The following NAALADL2 variants were observed in gnomAD, a reference collection of about 807,000 sequenced individuals.
NAALADL2 encodes the protein N-acetylated alpha-linked acidic dipeptidase like 2.
NAALADL2 carries 76 observed loss-of-function variants against 87.2 expected under a neutral mutation model. That is an observed-to-expected ratio of 0.87 (90% confidence interval 0.72 to 1.05). NAALADL2 has a LOEUF of 1.05. Among genes scored for constraint, NAALADL2 ranks in the 50% least tolerant of loss-of-function variants. The pLI, the probability that NAALADL2 is intolerant of heterozygous loss-of-function variation, is 0.00. For synonymous variants in NAALADL2, 354 were observed against 331.0 expected, an observed-to-expected ratio of 1.07 and a Z score of -0.75; for missense variants, 1,089 against 945.8, an observed-to-expected ratio of 1.15 and a Z score of -1.99.
At chr3:175,131,619 G>A (rs1197966117) in intron 2 of NAALADL2, among the ~76,000 whole-genome samples, 2 of 152,090 alleles carry the variant, frequency 1.3e-5, no homozygotes, top group Non-Finnish European at 2.9e-5. Context: ...CCACAAAACC[G>A]CCATTGTCAT....
intron 2 of NAALADL2, among the ~76,000 whole-genome samples, chr3:175,225,851 A>G (rs935414047): frequency 6.6e-6 from 1 of 152,132 alleles, no homozygotes; most frequent in Admixed American, 6.6e-5. Flanking sequence ...CCAAATATGC[A>G]CTCACTGTTA....
At chr3:175,728,071 AT>A (rs903668009) in intron 11 of NAALADL2, among the ~76,000 whole-genome samples, 7 of 152,110 alleles carry the variant, frequency 4.6e-5, no homozygotes, top group African/African-American at 1.7e-4. Context: ...CTTTCAAGTA[AT>A]TTTTTTATAT....
chr3:175,749,648 C>T (rs1368636852), intron 12 of NAALADL2, among the ~76,000 whole-genome samples: 2 of 152,204 alleles, frequency 1.3e-5, no homozygotes, highest in Non-Finnish European at 2.9e-5. Flanking sequence ...CTCTGAAAGG[C>T]TCCACCTTCC....
chr3:174,653,570 A>G (rs1724600276), intron 2 of NAALADL2, among the ~76,000 whole-genome samples: 1 of 152,176 alleles, frequency 6.6e-6, no homozygotes, highest in Non-Finnish European at 1.5e-5. Flanking sequence ...CTCATGGTCT[A>G]TGATTTTAGC....
At chr3:175,741,141 T>C (rs955067019) in intron 12 of NAALADL2, among the ~76,000 whole-genome samples, 4 of 152,134 alleles carry the variant, frequency 2.6e-5, no homozygotes, top group Admixed American at 2.0e-4. Context: ...CAAAATACCA[T>C]AGACTGGATG....
chr3:175,535,443 G>A (rs561268117), intron 9 of NAALADL2, among the ~76,000 whole-genome samples: 5 of 152,142 alleles, frequency 3.3e-5, no homozygotes, highest in South Asian at 2.1e-4. Context: ...TGTCTTGCTC[G>A]GTTTATTTGA....
In NAALADL2 at chr3:175,200,265, T is replaced by C. The variant is rs76066854; in HGVS notation, c.546-33666T>C. Among the ~76,000 whole-genome samples, 698 of 152,212 alleles carry C rather than the reference T, an allele frequency of 4.6e-3. 5 individuals are homozygous for C. Among genetic ancestry groups the C allele is most frequent in the Middle Eastern group, 0.01 (3 of 294 alleles). The stretch of plus-strand genomic sequence containing the variant: ...GATCTTGATTGTAGCCTGAGGAATG[T>C]TGCTAGTTCCTAACTCAATTTAGAA... On this transcript the variant is annotated intron_variant, in intron 2 of 13. Coordinates refer to ENST00000454872, the MANE Select transcript of NAALADL2 (RefSeq NM_207015.3).
intron 5 of NAALADL2, among the ~76,000 whole-genome samples, chr3:175,414,372 T>C (rs1042704777): frequency 1.3e-5 from 2 of 152,200 alleles, no homozygotes; most frequent in African/African-American, 4.8e-5. Context: ...GTTTAATTCC[T>C]CTTAAATATT....
chr3:175,297,241 G>A (rs185745440), intron 4 of NAALADL2, among the ~76,000 whole-genome samples: 26 of 152,204 alleles, frequency 1.7e-4, no homozygotes, highest in African/African-American at 4.8e-4. Flanking sequence ...ATAGTTTTCG[G>A]CCAAAAGCCA....
intron 1 of NAALADL2, among the ~76,000 whole-genome samples, chr3:174,958,325 T>G (rs971002337): frequency 2.0e-5 from 3 of 151,882 alleles, no homozygotes; most frequent in Non-Finnish European, 2.9e-5. Flanking sequence ...TAGCTATTTA[T>G]TGAATAAGTA....
At chr3:174,809,586 G>C (rs1221810277) in intron 3 of NAALADL2, among the ~76,000 whole-genome samples, 1 of 151,770 alleles carries the variant, frequency 6.6e-6, no homozygotes, top group African/African-American at 2.4e-5. Flanking sequence ...TTTTTTCATG[G>C]CATCATATTT....
intron 3 of NAALADL2, among the ~76,000 whole-genome samples, chr3:174,823,965 A>G (rs915410010): frequency 1.3e-5 from 2 of 152,194 alleles, no homozygotes; most frequent in South Asian, 4.1e-4. Flanking sequence ...TTATTTTAAA[A>G]TCTTTCAATT....
intron 12 of NAALADL2, among the ~76,000 whole-genome samples, chr3:175,750,484 T>G (rs1715702926): frequency 1.3e-5 from 2 of 152,144 alleles, no homozygotes; most frequent in Non-Finnish European, 2.9e-5. Context: ...TCCAGCTCCA[T>G]TCTTTCCATA....
chr3:174,912,785 A>G (rs1012463229), intron 1 of NAALADL2, among the ~76,000 whole-genome samples: 2 of 152,178 alleles, frequency 1.3e-5, no homozygotes, highest in Non-Finnish European at 2.9e-5. Flanking sequence ...TCCTGTTGCT[A>G]TAATTCCCTG....
chr3:175,401,247 A>T (rs1770523093), intron 5 of NAALADL2, among the ~76,000 whole-genome samples: 1 of 152,108 alleles, frequency 6.6e-6, no homozygotes, highest in Non-Finnish European at 1.5e-5. Context: ...ATTGTTTTCT[A>T]TACATATTAT....
chr3:175,149,357 A>G (rs1211000296), intron 2 of NAALADL2, among the ~76,000 whole-genome samples: 1 of 152,152 alleles, frequency 6.6e-6, no homozygotes, highest in African/African-American at 2.4e-5. Context: ...TCATAAACTG[A>G]GGCCTATTTT....
chr3:175,166,915 G>T (rs1374095087), intron 2 of NAALADL2, among the ~76,000 whole-genome samples: 4 of 151,950 alleles, frequency 2.6e-5, no homozygotes, highest in Non-Finnish European at 5.9e-5. Context: ...CCACCCAGCT[G>T]CTCAGCCCCT....
chr3:175,110,399 T>C (rs1723993113), intron 2 of NAALADL2, among the ~76,000 whole-genome samples: 2 of 151,824 alleles, frequency 1.3e-5, no homozygotes, highest in Admixed American at 1.3e-4. Context: ...ACAAAGATGT[T>C]AACATCAATT....
chr3:175,291,626 A>G (rs1755652401), intron 4 of NAALADL2, among the ~76,000 whole-genome samples: 1 of 152,208 alleles, frequency 6.6e-6, no homozygotes, highest in Non-Finnish European at 1.5e-5. Context: ...ATATGATGAT[A>G]ATATTAAGCA....
Sources: gnomAD v4.1 joint callset for allele counts (sites outside exome capture counted in the v4.1 genomes callset) on GRCh38, gnomAD v4.1.1 for gene constraint, MANE v1.5 for transcripts, NCBI Gene and HGNC (gene_info 2026-07-23, HGNC 2026-07-21) for gene names.